APBA1: variants seen among roughly 807,000 people sequenced by gnomAD.
APBA1 encodes the protein amyloid beta precursor protein binding family A member 1.
A neutral mutation model predicts 86.6 loss-of-function variants in APBA1; 55 were observed. The observed-to-expected ratio is 0.64, with a 90% CI of 0.51 to 0.80. The LOEUF is 0.80. Ranked by LOEUF, APBA1 falls within the 30% of genes least tolerant of loss-of-function variation. The pLI is 0.00. For synonymous variants in APBA1, 511 were observed against 493.9 expected, an observed-to-expected ratio of 1.03 and a Z score of -0.46; for missense variants, 1,090 against 1,183.0, an observed-to-expected ratio of 0.92 and a Z score of 1.15.
rs199985605 is a variant in APBA1 at position 69,449,618 on chromosome 9, C to T, written c.2147G>A (p.Gly716Asp). The T allele has an allele frequency of 6.2e-7, 1 of 1,613,828 alleles. No individual in the cohort carries two copies. Among genetic ancestry groups the T allele is most frequent in the East Asian group, 2.2e-5 (1 of 44,880 alleles). Residue 716 changes from glycine to aspartate, a missense_variant, in exon 10 of 13, where the codon GGC becomes GAC. By Grantham distance (94) the Gly-to-Asp change is moderately conservative. Transcript: ENST00000265381. ...GCTCTGGCAGGTGGACAGAGGCAGG[C>T]CCACCAGGCTGGTGCCATTAATGGA... ...IMSINGTSLV[G>D]LPLSTCQSII...
At chr9:69,652,463 T>C (rs1362660515) in intron 1 of APBA1, among the ~76,000 whole-genome samples, 1 of 152,158 alleles carries the variant, frequency 6.6e-6, no homozygotes, top group Non-Finnish European at 1.5e-5. Context: ...GGTCACAATG[T>C]GGCTGCACAG....
At chr9:69,543,830 T>A (rs1268695812) in intron 1 of APBA1, among the ~76,000 whole-genome samples, 1 of 152,222 alleles carries the variant, frequency 6.6e-6, no homozygotes, top group Non-Finnish European at 1.5e-5. Flanking sequence ...GCTAGCAATG[T>A]CTGAAATTTC....
Position 69,516,098 on chromosome 9 carries a change from G to C in APBA1, c.1113C>G (p.Pro371=). The C allele has an allele frequency of 1.9e-6, 3 of 1,613,300 alleles. No individual in the cohort carries two copies. The highest frequency in any genetic ancestry group is 2.5e-6 in the Non-Finnish European group (3 of 1,179,550). ...KTRTIRSPYT[P]DEPKEPIWVM... Reference sequence around the variant, plus strand: ...CCCAGATGGGCTCTTTGGGCTCGTCGGGGGTGTAAGGCGAACGGATGGTCC... The same window carrying C: ...CCCAGATGGGCTCTTTGGGCTCGTCCGGGGTGTAAGGCGAACGGATGGTCC... The change falls in exon 2 of 13, where the codon CCC becomes CCG. Residue 371 remains proline (P), a synonymous_variant. Coordinates refer to ENST00000265381, the MANE Select transcript of APBA1 (RefSeq NM_001163.4). The surrounding 1 kb of genome is among the most constrained non-coding windows in gnomAD (Gnocchi z 7.3).
chr9:69,592,741 G>A (rs1327509659), intron 1 of APBA1, among the ~76,000 whole-genome samples: 1 of 152,142 alleles, frequency 6.6e-6, no homozygotes, highest in South Asian at 2.1e-4. Context: ...CACCGTGATT[G>A]TAAGTTTCCT....
chr9:69,428,414 A>C lies in APBA1; in HGVS notation c.*2913T>G, dbSNP rs1422315455. 6.6e-6 allele frequency: 1 copy of C among 152,310 alleles called. No individual in the cohort carries two copies. The highest frequency in any genetic ancestry group is 1.5e-5 in the Non-Finnish European group (1 of 68,134). The allele number at this position is 152,310 out of a possible 1,614,324, so 9.4% of individuals were successfully genotyped here. On this transcript the variant is annotated 3_prime_UTR_variant, in exon 13 of 13. Coordinates refer to ENST00000265381, the MANE Select transcript of APBA1 (RefSeq NM_001163.4). ...TGGTCTTTGGGGGTTTCTTCCTCTC[A>C]TGAACCCAAGGCTGATGGTGGCTCC...
chr9:69,545,304 AAC>A (rs1836680919), intron 1 of APBA1, among the ~76,000 whole-genome samples: 1 of 152,208 alleles, frequency 6.6e-6, no homozygotes, highest in Non-Finnish European at 1.5e-5. Context: ...CCAAAATCAA[AAC>A]ACACAAAAAA....
chr9:69,544,867 C>T (rs1836672507), intron 1 of APBA1, among the ~76,000 whole-genome samples: 1 of 152,194 alleles, frequency 6.6e-6, no homozygotes, highest in African/African-American at 2.4e-5. Context: ...CTGCACCCAC[C>T]ATTCTCTACC....
rs937852408 is a variant in APBA1 at position 69,430,565 on chromosome 9, G to C, written c.*762C>G. Reference sequence around the variant, plus strand: ...TGTGTGTGTGTGTGTGTGTGTGAGAGAGAGAGAAGCAGACAGTACCTGCCT... The same window carrying C: ...TGTGTGTGTGTGTGTGTGTGTGAGACAGAGAGAAGCAGACAGTACCTGCCT... On this transcript the variant is annotated 3_prime_UTR_variant, in exon 13 of 13. Coordinates refer to ENST00000265381, the MANE Select transcript of APBA1 (RefSeq NM_001163.4). The C allele has an allele frequency of 6.6e-6, 1 of 152,218 alleles. No individual in the cohort carries two copies. The highest frequency in any genetic ancestry group is 2.4e-5 in the African/African-American group (1 of 41,358). 9.4% of individuals were successfully genotyped at this position (152,218 alleles called of 1,614,324 possible). A position where few individuals can be genotyped will look rare whatever the true frequency, so the allele number is the denominator to read the frequency against.
At chr9:69,529,069 A>G (rs917197827) in intron 1 of APBA1, among the ~76,000 whole-genome samples, 1 of 152,214 alleles carries the variant, frequency 6.6e-6, no homozygotes, top group Admixed American at 6.5e-5. Context: ...CTCCAAATTT[A>G]TACCAGAATA....
chr9:69,483,996 T>A (rs974058047), intron 2 of APBA1, among the ~76,000 whole-genome samples: 1 of 152,076 alleles, frequency 6.6e-6, no homozygotes, highest in African/African-American at 2.4e-5. Flanking sequence ...CCTTTAAATT[T>A]CCCCAATCTG....
In APBA1 at chr9:69,456,351, G is replaced by A. The variant is rs1440567010; in HGVS notation, c.1684C>T (p.Arg562Trp). Residue 562 changes from arginine (R) to tryptophan (W), a missense_variant, in exon 8 of 13, where the codon CGG becomes TGG. Arg to Trp is a moderately radical substitution (Grantham distance 101). This residue lies in a region of APBA1 where 103 missense variants were observed against 91.9 expected (regional missense o/e 1.12). Coordinates refer to ENST00000265381, the MANE Select transcript of APBA1 (RefSeq NM_001163.4). ...GNIVVLMARR[R>W]MPRSNSQENV... The stretch of plus-strand genomic sequence containing the variant: ...TCCTGGGAGTTGGAGCGAGGCATCC[G>A]CCGGCGGGCCATCAGCACAACGATG... The A allele has an allele frequency of 2.5e-6, 4 of 1,614,080 alleles. No homozygotes were observed. The highest frequency in any genetic ancestry group is 2.2e-5 in the East Asian group (1 of 44,874).
intron 1 of APBA1, among the ~76,000 whole-genome samples, chr9:69,578,890 A>C (rs1448162166): frequency 1.3e-5 from 2 of 152,210 alleles, no homozygotes; most frequent in African/African-American, 4.8e-5. Context: ...ACCCAGCACC[A>C]TGTTAGCATA....
At chr9:69,646,256 G>A (rs1225766646) in intron 1 of APBA1, among the ~76,000 whole-genome samples, 2 of 152,022 alleles carry the variant, frequency 1.3e-5, no homozygotes, top group Admixed American at 6.6e-5. Flanking sequence ...TGGGGTAGTG[G>A]GTAATGAGGA....
chr9:69,579,398 T>C (rs1821870643), intron 1 of APBA1, among the ~76,000 whole-genome samples: 1 of 152,192 alleles, frequency 6.6e-6, no homozygotes. Flanking sequence ...TTCATTTGCT[T>C]TATGCGGACT....
chr9:69,433,037 G>A (rs1472018320), intron 11 of APBA1, among the ~76,000 whole-genome samples: 3 of 152,182 alleles, frequency 2.0e-5, no homozygotes, highest in Admixed American at 6.5e-5. Flanking sequence ...GTTAGTTCCC[G>A]TAGTCATGAC....
At chr9:69,578,547 T>C (rs1821852072) in intron 1 of APBA1, among the ~76,000 whole-genome samples, 1 of 152,182 alleles carries the variant, frequency 6.6e-6, no homozygotes, top group African/African-American at 2.4e-5. Context: ...TTAAAAACAA[T>C]GTTTTACAGA....
At chr9:69,605,202 C>T (rs1822447701) in intron 1 of APBA1, among the ~76,000 whole-genome samples, 1 of 152,124 alleles carries the variant, frequency 6.6e-6, no homozygotes, top group South Asian at 2.1e-4. Context: ...AATTTTACCC[C>T]TGTAGAGAAT....
chr9:69,619,689 T>C (rs1266533864), intron 1 of APBA1, among the ~76,000 whole-genome samples: 1 of 152,208 alleles, frequency 6.6e-6, no homozygotes, highest in African/African-American at 2.4e-5. Context: ...AAGTTGAATT[T>C]TTCCCTGCTT....
intron 1 of APBA1, among the ~76,000 whole-genome samples, chr9:69,664,802 G>C (rs1342974709): frequency 6.6e-6 from 1 of 152,182 alleles, no homozygotes; most frequent in African/African-American, 2.4e-5. Context: ...ATAGTACTCT[G>C]CACCTCAGAT....
Sources: gnomAD v4.1 joint callset for allele counts (sites outside exome capture counted in the v4.1 genomes callset) on GRCh38, gnomAD v4.1.1 for gene constraint, gnomAD v4.1.1 regional missense constraint, Gnocchi (gnomAD v3.1) non-coding constraint, MANE v1.5 for transcripts, NCBI Gene and HGNC (gene_info 2026-07-23, HGNC 2026-07-21) for gene names.